SLC14A1: variants seen among roughly 807,000 people sequenced by gnomAD.
SLC14A1 encodes urea transporter 1.
Under a neutral mutation model 39.6 loss-of-function variants are expected in SLC14A1, and 36 were observed. The observed-to-expected ratio is 0.91, with a 90% confidence interval of 0.70 to 1.20. The LOEUF is 1.20. Ranked by LOEUF, SLC14A1 falls within the 50% of genes most tolerant of loss-of-function variation. The probability of loss-of-function intolerance (pLI) is 0.00; values close to 1 mark genes in which losing one functional copy is unlikely to be tolerated. For synonymous variants in SLC14A1, 164 were observed against 173.6 expected, an observed-to-expected ratio of 0.94 and a Z score of 0.43; for missense variants, 469 against 478.7, an observed-to-expected ratio of 0.98 and a Z score of 0.19.
At chr18:45,748,566 A>G in intron 9 of SLC14A1, 141 bp downstream of exon 9, 1 of 853,006 alleles carries the variant, frequency 1.2e-6, no homozygotes, top group South Asian at 1.4e-5. Context: ...CTTCTCCTGG[A>G]GCTCCCTGGC....
At chr18:45,746,910 A>G (rs1478210077) in intron 8 of SLC14A1, among the ~76,000 whole-genome samples, 2 of 152,240 alleles carry the variant, frequency 1.3e-5, no homozygotes, top group Non-Finnish European at 2.9e-5. Flanking sequence ...CAGAGCTGGG[A>G]TTTGAAACCA....
At chr18:45,741,491 A>AT (rs1172310180) in intron 8 of SLC14A1, among the ~76,000 whole-genome samples, 1 of 152,212 alleles carries the variant, frequency 6.6e-6, no homozygotes, top group African/African-American at 2.4e-5. Flanking sequence ...TTTAGAATAG[A>AT]TTTCTGCACT....
intron 5 of SLC14A1, among the ~76,000 whole-genome samples, chr18:45,734,792 G>A (rs544818012): frequency 1.3e-5 from 2 of 152,230 alleles, no homozygotes; most frequent in East Asian, 3.9e-4. Flanking sequence ...GTAGCAGGAG[G>A]AGCAGGAGGG....
At position 45,751,897 on chromosome 18, in the gene SLC14A1, A is replaced by G. The variant is rs1383808393; in HGVS notation, c.*1946A>G. 1.0e-6 allele frequency: 1 copy of G among 985,128 alleles called. No homozygotes were observed. Among genetic ancestry groups the G allele is most frequent in the African/African-American group, 1.7e-5 (1 of 57,208 alleles). The allele number at this position is 985,128 out of a possible 1,614,324, so 61.0% of individuals were successfully genotyped here. ...GGAGGTTGGAAAGTGAAACGTAGGA[A>G]TCCTGAAGATTTTTTCCACTTCTAG... On this transcript the variant is annotated 3_prime_UTR_variant, in exon 10 of 10. Coordinates refer to ENST00000321925, the MANE Select transcript of SLC14A1 (RefSeq NM_015865.7).
intron 8 of SLC14A1, among the ~76,000 whole-genome samples, chr18:45,742,783 A>T (rs1303869536): frequency 6.7e-6 from 1 of 149,078 alleles, no homozygotes; most frequent in East Asian, 1.9e-4. Context: ...GTCCCGGTTC[A>T]AGCAATTCTT....
At chr18:45,736,226 AG>A (rs2047188823) in intron 5 of SLC14A1, among the ~76,000 whole-genome samples, 1 of 152,188 alleles carries the variant, frequency 6.6e-6, no homozygotes, top group Non-Finnish European at 1.5e-5. Context: ...GCAACCCCAG[AG>A]TAGAATTTTT....
chr18:45,734,414 T>C lies in SLC14A1; in HGVS notation c.470+12T>C, dbSNP rs114641857. ...ATGTCCATGACTTGGTAAGTTACAA[T>C]TGGTTTTCAAAATGCCTTTTTGAAA... On this transcript the variant is annotated intron_variant, in intron 5 of 9. Transcript: ENST00000321925. 4.7e-4 allele frequency: 754 copies of C among 1,597,328 alleles called. 4 individuals are homozygous for C. In the African/African-American group the frequency reaches 9.4e-3, roughly 20 times the overall value.
At chr18:45,734,753 G>A (rs1243849321) in intron 5 of SLC14A1, among the ~76,000 whole-genome samples, 1 of 152,096 alleles carries the variant, frequency 6.6e-6, no homozygotes, top group Non-Finnish European at 1.5e-5. Flanking sequence ...GGAGGAGGAG[G>A]AGGAGGAGAA....
intron 4 of SLC14A1, 66 bp downstream of exon 4, chr18:45,731,270 G>A: frequency 6.9e-7 from 1 of 1,445,892 alleles, no homozygotes; most frequent in Non-Finnish European, 9.7e-7. Flanking sequence ...AGTTACTGTG[G>A]GCAACAGTGA....
At chr18:45,736,900 T>G (rs910515669) in intron 6 of SLC14A1, among the ~76,000 whole-genome samples, 1 of 145,230 alleles carries the variant, frequency 6.9e-6, no homozygotes, top group African/African-American at 2.5e-5. Flanking sequence ...AACCCCAGAG[T>G]ACAGTTCCAC....
chr18:45,748,632 C>A lies in SLC14A1; in HGVS notation c.996+207C>A, dbSNP rs577232856. Among the ~76,000 whole-genome samples, 3 of 152,132 alleles carry A rather than the reference C, an allele frequency of 2.0e-5. No individual in the cohort carries two copies. The South Asian group carries it at 6.2e-4, about 32-fold the overall frequency. On this transcript the variant is annotated intron_variant, in intron 9 of 9. Transcript: ENST00000321925. ...CCAAACCACAATCACCCAGTTGTTA[C>A]AAGTATCAGATTGCTTGGTTTAAAA... is the stretch of plus-strand genomic sequence containing the variant.
At chr18:45,739,714 AT>A (rs2047303061) in intron 8 of SLC14A1, 52 bp downstream of exon 8, 1 of 1,612,504 alleles carries the variant, frequency 6.2e-7, no homozygotes, top group Non-Finnish European at 8.5e-7. Context: ...CAGGATCTCA[AT>A]CAAGGATAAG....
intron 9 of SLC14A1, 40 bp downstream of exon 9, chr18:45,748,465 A>G: frequency 6.2e-7 from 1 of 1,602,482 alleles, no homozygotes; most frequent in Non-Finnish European, 8.5e-7. Flanking sequence ...AGCGTAATTG[A>G]CCAGCTTACA....
chr18:45,747,759 G>A (rs553973290), intron 8 of SLC14A1, among the ~76,000 whole-genome samples: 77 of 152,302 alleles, frequency 5.1e-4, no homozygotes, highest in African/African-American at 1.8e-3. Flanking sequence ...TGGAGAAGAT[G>A]TTATCAAGGG....
chr18:45,726,335 G>A (rs2046861490), intron 2 of SLC14A1, among the ~76,000 whole-genome samples: 1 of 152,154 alleles, frequency 6.6e-6, no homozygotes, highest in African/African-American at 2.4e-5. Context: ...ACAACAGGGG[G>A]AGAAAAAGAG....
intron 8 of SLC14A1, among the ~76,000 whole-genome samples, chr18:45,740,452 A>G (rs992140952): frequency 2.6e-5 from 4 of 151,846 alleles, no homozygotes; most frequent in Admixed American, 6.6e-5. Context: ...TTTCTAAAAA[A>G]CAGTCTCATT....
rs1599281490 is a variant in SLC14A1 at position 45,736,514 on chromosome 18, A to C, written c.529A>C (p.Thr177Pro). The C allele has an allele frequency of 1.9e-6, 3 of 1,613,836 alleles. No individual in the cohort carries two copies. The highest frequency in any genetic ancestry group is 2.5e-6 in the Non-Finnish European group (3 of 1,179,854). The change falls in exon 6 of 10, where the codon ACC becomes CCC. Residue 177 changes from threonine (T) to proline (P), a missense_variant. Thr to Pro is a conservative substitution (Grantham distance 38, BLOSUM62 -1). Coordinates refer to ENST00000321925, the MANE Select transcript of SLC14A1 (RefSeq NM_015865.7). ...CAGCAAATGGGACCTCCCCGTCTTC[A>C]CCCTCCCTTTCAACATGGCGTTGTC... ...MLSKWDLPVF[T>P]LPFNMALSMY...
chr18:45,743,826 C>A (rs2047463133), intron 8 of SLC14A1, among the ~76,000 whole-genome samples: 1 of 152,072 alleles, frequency 6.6e-6, no homozygotes, highest in African/African-American at 2.4e-5. Context: ...TGACTGATAC[C>A]CAAGCCTGCC....
At chr18:45,745,070 C>G (rs2047506867) in intron 8 of SLC14A1, among the ~76,000 whole-genome samples, 1 of 152,174 alleles carries the variant, frequency 6.6e-6, no homozygotes, top group Admixed American at 6.5e-5. Context: ...CGGTGAAACC[C>G]CATCTCTACT....
Sources: allele counts gnomAD v4.1 joint callset (sites outside exome capture counted in the v4.1 genomes callset), GRCh38; gene constraint gnomAD v4.1.1; transcripts MANE v1.5; gene names NCBI Gene and HGNC (gene_info 2026-07-23, HGNC 2026-07-21).